EVI5: variants seen among roughly 807,000 people sequenced by gnomAD.
EVI5 encodes ecotropic viral integration site 5.
EVI5 carries 73 observed loss-of-function variants against 112.0 expected under a neutral mutation model. The ratio of observed to expected loss-of-function variants is 0.65; its 90% CI spans 0.54 to 0.79. EVI5 has a LOEUF of 0.79. Ranked by LOEUF, EVI5 falls within the 30% of genes least tolerant of loss-of-function variation. EVI5 has a pLI of 0.00. For missense variants in EVI5, 900 were observed against 968.8 expected (o/e 0.93, Z 0.94); for synonymous variants, 305 against 319.9 (o/e 0.95, Z 0.50).
chr1:92,586,481 T>C (rs1262123710), intron 18 of EVI5, among the ~76,000 whole-genome samples: 4 of 152,060 alleles, frequency 2.6e-5, no homozygotes, highest in Admixed American at 2.6e-4. Flanking sequence ...GTATTTCAAG[T>C]ATGTAATACT....
At chr1:92,757,316 T>C (rs781248461) in intron 1 of EVI5, among the ~76,000 whole-genome samples, 11 of 152,238 alleles carry the variant, frequency 7.2e-5, no homozygotes, top group African/African-American at 1.2e-4. Flanking sequence ...GGGCCTAACA[T>C]TGGCTTATAA....
intron 1 of EVI5, among the ~76,000 whole-genome samples, chr1:92,752,616 T>C (rs549684119): frequency 6.6e-6 from 1 of 152,188 alleles, no homozygotes; most frequent in East Asian, 1.9e-4. Flanking sequence ...TCCTTCTTTG[T>C]GGGGAGCGGG....
At chr1:92,643,205 A>C (rs2101974917) in intron 13 of EVI5, among the ~76,000 whole-genome samples, 1 of 152,116 alleles carries the variant, frequency 6.6e-6, no homozygotes, top group South Asian at 2.1e-4. Context: ...TGGAAAGTTT[A>C]ATCTATATCT....
intron 1 of EVI5, among the ~76,000 whole-genome samples, chr1:92,747,559 CAAAA>C (rs1679465006): frequency 1.3e-5 from 2 of 151,660 alleles, no homozygotes; most frequent in Non-Finnish European, 2.9e-5. Flanking sequence ...ACCAAAAATA[CAAAA>C]ATTAGCCGGG....
intron 18 of EVI5, among the ~76,000 whole-genome samples, chr1:92,600,062 G>C (rs999990423): frequency 2.0e-5 from 3 of 152,156 alleles, no homozygotes; most frequent in African/African-American, 7.2e-5. Flanking sequence ...AACTAACGGA[G>C]TGGTAGGGAG....
At chr1:92,590,032 CA>C (rs1673533490) in intron 18 of EVI5, among the ~76,000 whole-genome samples, 2 of 152,204 alleles carry the variant, frequency 1.3e-5, no homozygotes, top group Non-Finnish European at 2.9e-5. Context: ...CAGCAAACTC[CA>C]ACAGACCTGC....
intron 14 of EVI5, among the ~76,000 whole-genome samples, chr1:92,630,113 T>G (rs1480640688): frequency 6.6e-6 from 1 of 152,236 alleles, no homozygotes; most frequent in Non-Finnish European, 1.5e-5. Context: ...TTGTGAATAG[T>G]GCCACAAGAA....
intron 14 of EVI5, among the ~76,000 whole-genome samples, chr1:92,629,176 G>C (rs1656335968): frequency 6.6e-6 from 1 of 152,102 alleles, no homozygotes; most frequent in African/African-American, 2.4e-5. Flanking sequence ...ATTCTTGCTG[G>C]CTTTTTTTCT....
chr1:92,557,707 T>C (rs1018472828), intron 19 of EVI5, among the ~76,000 whole-genome samples: 2 of 151,730 alleles, frequency 1.3e-5, no homozygotes, highest in Non-Finnish European at 2.9e-5. Context: ...TGACAAATCA[T>C]AAAAAATTCC....
chr1:92,655,766 G>A (rs919074865), intron 13 of EVI5, among the ~76,000 whole-genome samples: 6 of 152,170 alleles, frequency 3.9e-5, no homozygotes, highest in East Asian at 3.9e-4. Context: ...TAAAGTCAAC[G>A]GGAAGATGTA....
chr1:92,525,418 G>A (rs1355238285), intron 19 of EVI5, among the ~76,000 whole-genome samples: 1 of 151,840 alleles, frequency 6.6e-6, no homozygotes, highest in Non-Finnish European at 1.5e-5. Context: ...ACAGGCCTAC[G>A]TCACCATACT....
At chr1:92,737,845 A>C (rs1004071109) in intron 1 of EVI5, among the ~76,000 whole-genome samples, 2 of 152,250 alleles carry the variant, frequency 1.3e-5, no homozygotes, top group Admixed American at 6.5e-5. Flanking sequence ...TAAAAGGACA[A>C]AGATTCCATT....
At chr1:92,728,483 G>A (rs1675959461) in intron 2 of EVI5, among the ~76,000 whole-genome samples, 2 of 151,986 alleles carry the variant, frequency 1.3e-5, no homozygotes, top group African/African-American at 4.8e-5. Flanking sequence ...TGTCTCCTGG[G>A]TTCAAACAGT....
intron 1 of EVI5, among the ~76,000 whole-genome samples, chr1:92,751,838 C>T (rs1479123112): frequency 6.6e-6 from 1 of 151,828 alleles, no homozygotes; most frequent in Non-Finnish European, 1.5e-5. Context: ...ATGGTGAAAC[C>T]CCATCTCTAC....
At chr1:92,574,055 A>C (rs1670678369) in intron 18 of EVI5, among the ~76,000 whole-genome samples, 1 of 152,162 alleles carries the variant, frequency 6.6e-6, no homozygotes, top group African/African-American at 2.4e-5. Flanking sequence ...TGTGTTTTCT[A>C]ATATAACACA....
chr1:92,593,387 T>C (rs898911648), intron 18 of EVI5, among the ~76,000 whole-genome samples: 1 of 152,180 alleles, frequency 6.6e-6, no homozygotes, highest in Non-Finnish European at 1.5e-5. Context: ...TGCTAAAAAC[T>C]CTCAATAAAT....
intron 10 of EVI5, among the ~76,000 whole-genome samples, chr1:92,671,022 TCTC>T (rs751797839): frequency 1.4e-5 from 1 of 73,266 alleles, no homozygotes; most frequent in Non-Finnish European, 2.9e-5. Flanking sequence ...TGCAGTTATT[TCTC>T]CTATCTTAAA....
rs374817446 is a variant in EVI5 at position 92,689,984 on chromosome 1, A to C, written c.1097+3818T>G. ...AGCTCACTGCAGCCTCCAACTCCAG[A>C]CTCAAGCAATCTTCCCACCTCAGCC... On this transcript the variant is annotated intron_variant, in intron 9 of 19. Coordinates refer to ENST00000684568, the MANE Select transcript of EVI5 (RefSeq NM_001350197.2). Among the ~76,000 whole-genome samples the C allele has an allele frequency of 5.3e-5, 8 of 152,132 alleles. No homozygotes were observed. In the East Asian group the frequency reaches 9.7e-4, roughly 18 times the overall value.
chr1:92,619,348 G>C (rs192646870), intron 16 of EVI5, among the ~76,000 whole-genome samples: 1 of 152,048 alleles, frequency 6.6e-6, no homozygotes, highest in East Asian at 1.9e-4. Context: ...AAGCTCTTCC[G>C]TTTTGGGACT....
Sources: allele counts gnomAD v4.1 joint callset (sites outside exome capture counted in the v4.1 genomes callset), GRCh38; gene constraint gnomAD v4.1.1; transcripts MANE v1.5; gene names NCBI Gene and HGNC (gene_info 2026-07-23, HGNC 2026-07-21).